Variants in FAM91A1 observed in about 807,000 individuals in gnomAD.
FAM91A1 encodes the protein protein FAM91A1.
In FAM91A1, 41 loss-of-function variants were observed where a neutral mutation model predicts 113.5. The ratio of observed to expected loss-of-function variants is 0.36; its 90% CI spans 0.28 to 0.47. The LOEUF (loss-of-function observed/expected upper bound fraction) is 0.47. FAM91A1 is among the 20% of genes least tolerant of loss of function. The pLI is 1.00. For synonymous variants in FAM91A1, 307 were observed against 347.9 expected, an observed-to-expected ratio of 0.88 and a Z score of 1.31; for missense variants, 696 against 1,001.2, an observed-to-expected ratio of 0.70 and a Z score of 4.11.
chr8:123,794,843 T>TC (rs1815472320), intron 15 of FAM91A1, among the ~76,000 whole-genome samples: 1 of 152,212 alleles, frequency 6.6e-6, no homozygotes, highest in Non-Finnish European at 1.5e-5. Flanking sequence ...GTACTGCAGA[T>TC]TGAGATCTGC....
chr8:123,787,546 C>T, intron 13 of FAM91A1, 118 bp from the exon 14 acceptor site: 1 of 995,482 alleles, frequency 1.0e-6, no homozygotes, highest in Non-Finnish European at 1.5e-6. Context: ...AAGAATTAGC[C>T]CCTCACCCCC....
chr8:123,776,320 A>G (rs1814981949), intron 3 of FAM91A1, among the ~76,000 whole-genome samples: 1 of 152,218 alleles, frequency 6.6e-6, no homozygotes, highest in African/African-American at 2.4e-5. Context: ...AGGAGCCTAG[A>G]ACTAAAGGAG....
intron 5 of FAM91A1, among the ~76,000 whole-genome samples, chr8:123,778,340 C>T (rs913577603): frequency 2.0e-5 from 3 of 152,044 alleles, no homozygotes; most frequent in Admixed American, 6.5e-5. Context: ...TTTGCTCATT[C>T]TACTTGTACA....
In FAM91A1 at chr8:123,812,659, A is replaced by G. The variant is rs762521487; in HGVS notation, c.2472A>G (p.Gly824=). The change falls in exon 24 of 24, where the codon GGA becomes GGG. Residue 824 remains glycine (G), a synonymous_variant. Transcript: ENST00000334705. ...ATGGTGTCTTATCAGAATGGAGTGG[A>G]CGGTCACCTTCCTCACTTCTTATTG... The part of the protein sequence containing the change: ...FKDGVLSEWS[G]RSPSSLLIAN... 3 of 1,604,652 alleles carry G rather than the reference A, an allele frequency of 1.9e-6. No homozygotes were observed. The highest frequency in any genetic ancestry group is 2.5e-6 in the Non-Finnish European group (3 of 1,176,798).
At chr8:123,789,946 A>T (rs1332599371) in intron 15 of FAM91A1, among the ~76,000 whole-genome samples, 1 of 152,162 alleles carries the variant, frequency 6.6e-6, no homozygotes, top group Non-Finnish European at 1.5e-5. Flanking sequence ...CTCATGTGCC[A>T]CTAACATTTG....
chr8:123,812,271 A>G (rs1815975467), intron 23 of FAM91A1: 1 of 325,566 alleles, frequency 3.1e-6, no homozygotes, highest in African/African-American at 2.1e-5. Flanking sequence ...TGCTTTTCCC[A>G]CAGTCTCGTA....
intron 15 of FAM91A1, among the ~76,000 whole-genome samples, chr8:123,790,273 T>C (rs1438078294): frequency 1.3e-5 from 2 of 152,282 alleles, no homozygotes; most frequent in Admixed American, 1.3e-4. Context: ...GCTGTTGCCC[T>C]ACTGGGCACT....
intron 8 of FAM91A1, 37 bp from the exon 9 acceptor site, chr8:123,784,433 C>A: frequency 6.9e-7 from 1 of 1,459,010 alleles, no homozygotes; most frequent in Non-Finnish European, 9.4e-7. Context: ...TTTATAAAAT[C>A]TGTACCACTG....
chr8:123,774,247 C>A (rs1196609475), intron 2 of FAM91A1, 83 bp downstream of exon 2: 4 of 1,085,378 alleles, frequency 3.7e-6, no homozygotes, highest in Non-Finnish European at 5.4e-6. Context: ...ATACATATTT[C>A]ATAGTACTGA....
At chr8:123,788,505 T>A (rs1387285705) in intron 14 of FAM91A1, among the ~76,000 whole-genome samples, 1 of 152,168 alleles carries the variant, frequency 6.6e-6, no homozygotes, top group Non-Finnish European at 1.5e-5. Context: ...CATTTTTCAC[T>A]GCTCCTACTC....
At chr8:123,803,264 G>T (rs1390449292) in intron 18 of FAM91A1, among the ~76,000 whole-genome samples, 3 of 150,708 alleles carry the variant, frequency 2.0e-5, no homozygotes, top group African/African-American at 7.4e-5. Flanking sequence ...ATGGGGGCTA[G>T]TGCAAAATAT....
chr8:123,781,791 C>A (rs1447450594), intron 8 of FAM91A1, among the ~76,000 whole-genome samples: 1 of 152,114 alleles, frequency 6.6e-6, no homozygotes, highest in Non-Finnish European at 1.5e-5. Context: ...GGCCTGCATC[C>A]TATTTTAAGC....
At chr8:123,807,632 T>G (rs1010709329) in intron 20 of FAM91A1, among the ~76,000 whole-genome samples, 2 of 152,152 alleles carry the variant, frequency 1.3e-5, no homozygotes, top group Non-Finnish European at 2.9e-5. Context: ...AGAGAAGGCC[T>G]CTTAGAGAAG....
At chr8:123,803,757 C>A (rs902022151) in intron 18 of FAM91A1, among the ~76,000 whole-genome samples, 1 of 151,910 alleles carries the variant, frequency 6.6e-6, no homozygotes, top group Non-Finnish European at 1.5e-5. Context: ...TTATTTTAGC[C>A]ATCAGGTTTA....
In FAM91A1 at chr8:123,806,140, A is replaced by G; in HGVS notation, c.1943A>G (p.Asp648Gly). 1.2e-6 allele frequency: 2 copies of G among 1,613,180 alleles called. No individual in the cohort carries two copies. The highest frequency in any genetic ancestry group is 2.2e-5 in the East Asian group (1 of 44,858). The stretch of plus-strand genomic sequence containing the variant: ...TTGCAGATACTAAGGAACAGAGTGG[A>G]CTTACAGCATCTCTGTGGATATGTC... Reference protein sequence around the residue: ...KALQILRNRVDLQHLCGYVTM... With the variant: ...KALQILRNRVGLQHLCGYVTM... Residue 648 changes from aspartate to glycine, a missense_variant, in exon 20 of 24, where the codon GAC becomes GGC. Transcript: ENST00000334705.
chr8:123,813,287 T>C lies in FAM91A1; in HGVS notation c.*583T>C, dbSNP rs545389395. The C allele has an allele frequency of 6.5e-6, 1 of 152,768 alleles. No individual in the cohort carries two copies. The highest frequency in any genetic ancestry group is 1.9e-4 in the East Asian group (1 of 5,186). 9.5% of individuals were successfully genotyped at this position (152,768 alleles called of 1,614,324 possible). ...GTATGTAAATCAGCATAGTTGTGTA[T>C]AACTTAACCTTGATTTATAAGGTCT... is the stretch of plus-strand genomic sequence containing the variant. On this transcript the variant is annotated 3_prime_UTR_variant, in exon 24 of 24. Coordinates refer to ENST00000334705, the MANE Select transcript of FAM91A1 (RefSeq NM_144963.4).
chr8:123,774,316 A>G (rs1814928126), intron 2 of FAM91A1, 152 bp downstream of exon 2: 1 of 507,702 alleles, frequency 2.0e-6, no homozygotes, highest in Non-Finnish European at 3.4e-6. Flanking sequence ...CCTAACAACA[A>G]TTTGTATTAG....
At chr8:123,795,600 A>G (rs527502337) in intron 15 of FAM91A1, among the ~76,000 whole-genome samples, 4 of 152,194 alleles carry the variant, frequency 2.6e-5, no homozygotes, top group Non-Finnish European at 5.9e-5. Flanking sequence ...CCATGAGCCA[A>G]TTAAACCTGT....
At position 123,782,733 on chromosome 8, in the gene FAM91A1, G is replaced by A. The variant is rs187779809; in HGVS notation, c.704-1737G>A. 2.4e-3 allele frequency among the ~76,000 whole-genome samples: 362 copies of A among 152,166 alleles called. 3 individuals are homozygous for A. Among genetic ancestry groups the A allele is most frequent in the African/African-American group, 8.3e-3 (344 of 41,510 alleles). On this transcript the variant is annotated intron_variant, in intron 8 of 23. Transcript: ENST00000334705. ...GTTCAACTTATTTTTCTTCTCTTTG[G>A]ATAACCAATAGCATTTGGACAAATG...
Sources: allele counts gnomAD v4.1 joint callset (sites outside exome capture counted in the v4.1 genomes callset), GRCh38; gene constraint gnomAD v4.1.1; transcripts MANE v1.5; gene names NCBI Gene and HGNC (gene_info 2026-07-23, HGNC 2026-07-21).